Variants in CCDC9 observed in about 807,000 individuals in gnomAD.
CCDC9 encodes the protein coiled-coil domain-containing protein 9.
Under a neutral mutation model 65.6 loss-of-function variants are expected in CCDC9, and 52 were observed. That is an observed-to-expected ratio of 0.79 (90% CI 0.63 to 1.00). The LOEUF is 1.00. CCDC9 is among the 50% of genes least tolerant of loss of function. The pLI is 0.00. For missense variants in CCDC9, 834 were observed against 757.2 expected (o/e 1.10, Z -1.19); for synonymous variants, 332 against 280.3 (o/e 1.18, Z -1.84).
At chr19:47,266,549 G>T in intron 7 of CCDC9, 62 bp from the exon 8 acceptor site, 1 of 1,446,132 alleles carries the variant, frequency 6.9e-7, no homozygotes, top group Non-Finnish European at 9.1e-7. Context: ...GATGTGCCTC[G>T]GGGCTTAGGG....
chr19:47,270,273 C>T (rs927144726), intron 8 of CCDC9, 134 bp from the exon 9 acceptor site: 9 of 831,520 alleles, frequency 1.1e-5, no homozygotes, highest in African/African-American at 6.7e-5. Flanking sequence ...CCGGCCCTGT[C>T]CTACTTCTAG....
intron 8 of CCDC9, among the ~76,000 whole-genome samples, chr19:47,268,761 C>G (rs2059097933): frequency 6.6e-6 from 1 of 151,524 alleles, no homozygotes; most frequent in South Asian, 2.1e-4. Context: ...ACTAAAAATA[C>G]AAAAAATTAG....
downstream of CCDC9, chr19:47,274,902 G>A (rs2059146851): frequency 2.3e-6 from 3 of 1,282,296 alleles, no homozygotes; most frequent in Non-Finnish European, 2.9e-6. Context: ...GCGGCGCGGA[G>A]CCGAGTGGGC....
intron 8 of CCDC9, 100 bp downstream of exon 8, chr19:47,266,892 T>A: frequency 7.3e-7 from 1 of 1,367,054 alleles, no homozygotes; most frequent in Non-Finnish European, 9.9e-7. Context: ...TGTGTATGAG[T>A]GAGTGACTGC....
chr19:47,271,858 C>T lies in CCDC9; in HGVS notation c.*180C>T, dbSNP rs114651892. 2.9e-6 allele frequency: 4 copies of T among 1,385,398 alleles called. No individual in the cohort carries two copies. The Middle Eastern group carries it at 8.0e-4, about 278-fold the overall frequency. 85.8% of individuals were successfully genotyped at this position (1,385,398 alleles called of 1,614,324 possible). On this transcript the variant is annotated 3_prime_UTR_variant, in exon 12 of 12. Coordinates refer to ENST00000221922, the MANE Select transcript of CCDC9 (RefSeq NM_015603.3). ...CTGAGGGGGTAGCGCAGCCCATGCT[C>T]TTCTGTACTGTCATGCCCGTCTCTG...
chr19:47,258,015 G>GGTC, intron 1 of CCDC9: 2 of 287,230 alleles, frequency 7.0e-6, no homozygotes, highest in Admixed American at 4.9e-5. Context: ...TGTGGCGGCT[G>GGTC]GCCTAGAATC....
chr19:47,264,761 T>C lies in CCDC9; in HGVS notation c.547-12T>C, dbSNP rs756507747. ...GGGAGCCCGCGCCAACCCCCTGCTC[T>C]GCTGCCTGCAGGAAGGGGTTCTTGA... On this transcript the variant is annotated splice_polypyrimidine_tract_variant and intron_variant, in intron 6 of 11. Coordinates refer to ENST00000221922, the MANE Select transcript of CCDC9 (RefSeq NM_015603.3). 57 of 1,605,936 alleles carry C rather than the reference T, an allele frequency of 3.5e-5. No homozygotes were observed. Among genetic ancestry groups the C allele is most frequent in the Non-Finnish European group, 4.8e-5 (56 of 1,176,076 alleles).
rs750676618 is a variant in CCDC9, at chr19:47,271,479, C to T, written c.1397C>T (p.Ala466Val). The change falls in exon 12 of 12, where the codon GCC (alanine) becomes GTC (valine). Residue 466 changes from alanine to valine, a missense_variant. Transcript: ENST00000221922. ...APTGIPCSEQ[A>V]HGVPFSPEEP... ...ACCGGGATCCCCTGCAGTGAGCAGG[C>T]CCACGGAGTCCCCTTCAGTCCGGAG... The T allele has an allele frequency of 5.0e-6, 8 of 1,613,256 alleles. No individual in the cohort carries two copies. Among genetic ancestry groups the T allele is most frequent in the Non-Finnish European group, 6.8e-6 (8 of 1,179,806 alleles).
chr19:47,272,584 T>G (rs1197069240), downstream of CCDC9, among the ~76,000 whole-genome samples: 1 of 152,124 alleles, frequency 6.6e-6, no homozygotes, highest in Non-Finnish European at 1.5e-5. Context: ...ATCGCTCCAC[T>G]GTACTCCCAC....
At chr19:47,266,445 A>G (rs2059082788) in intron 7 of CCDC9, 166 bp from the exon 8 acceptor site, 2 of 1,031,846 alleles carry the variant, frequency 1.9e-6, no homozygotes, top group Admixed American at 6.6e-5. Flanking sequence ...TACTTAGGAG[A>G]TCTGAGAGGG....
intron 7 of CCDC9, 66 bp downstream of exon 7, chr19:47,265,012 C>T (rs954958419): frequency 7.2e-5 from 96 of 1,333,626 alleles, no homozygotes; most frequent in Non-Finnish European, 8.8e-5. Context: ...ATAGCAGGAA[C>T]CAGACAGATC....
At chr19:47,269,279 G>A (rs1358126477) in intron 8 of CCDC9, among the ~76,000 whole-genome samples, 3 of 152,180 alleles carry the variant, frequency 2.0e-5, no homozygotes, top group Non-Finnish European at 4.4e-5. Context: ...GGCCCAGAAG[G>A]ATAATGATGC....
At chr19:47,263,762 C>T (rs1244929622) in intron 5 of CCDC9, among the ~76,000 whole-genome samples, 1 of 151,856 alleles carries the variant, frequency 6.6e-6, no homozygotes, top group Non-Finnish European at 1.5e-5. Flanking sequence ...GACGGGGTTT[C>T]ACCATGTTGG....
intron 5 of CCDC9, 72 bp from the exon 6 acceptor site, chr19:47,264,531 G>A (rs1426184182): frequency 7.0e-7 from 1 of 1,428,674 alleles, no homozygotes; most frequent in Non-Finnish European, 9.6e-7. Flanking sequence ...GGCCTGCTGG[G>A]CAGCCCGTCT....
chr19:47,270,094 G>T (rs187096996), intron 8 of CCDC9, among the ~76,000 whole-genome samples: 1 of 151,752 alleles, frequency 6.6e-6, no homozygotes, highest in African/African-American at 2.4e-5. Flanking sequence ...TCAGCCTCCC[G>T]AGTAGCTGAG....
intron 5 of CCDC9, among the ~76,000 whole-genome samples, chr19:47,264,396 C>T (rs984543026): frequency 3.9e-5 from 6 of 152,214 alleles, no homozygotes; most frequent in Admixed American, 1.3e-4. Context: ...GCGAATGCAG[C>T]GTACAGCGTG....
In CCDC9 at chr19:47,260,790, C is replaced by T. The variant is rs1414995983; in HGVS notation, c.413C>T (p.Pro138Leu). The T allele has an allele frequency of 8.7e-6, 14 of 1,613,298 alleles. No individual in the cohort carries two copies. Among genetic ancestry groups the T allele is most frequent in the African/African-American group, 1.3e-5 (1 of 74,906 alleles). Residue 138 changes from proline to leucine, a missense_variant, in exon 5 of 12, where the codon CCT becomes CTT. Physicochemically the swap from Pro to Leu is moderately conservative, Grantham distance 98. Transcript: ENST00000221922. Reference sequence around the variant, plus strand: ...CGGAGGGGCCGGGGCCGAGGTTCACCTCACCTCTCTGGAGCTGGAGACACC... The same window carrying T: ...CGGAGGGGCCGGGGCCGAGGTTCACTTCACCTCTCTGGAGCTGGAGACACC... The part of the protein sequence containing the change: ...RGRRGRGRGS[P>L]HLSGAGDTSI...
chr19:47,274,347 C>A (rs1389500837), downstream of CCDC9: 4 of 123,572 alleles, frequency 3.2e-5, no homozygotes, highest in African/African-American at 6.3e-5. Flanking sequence ...GGGCTCTGGC[C>A]ATGGGCATGG....
Position 47,271,602 on chromosome 19 carries a change from A to G in CCDC9, c.1520A>G (p.Glu507Gly), listed in dbSNP as rs1246150973. The change falls in exon 12 of 12, where the codon GAG (glutamate) becomes GGG (glycine). Residue 507 changes from glutamate (E) to glycine (G), a missense_variant. Coordinates refer to ENST00000221922, the MANE Select transcript of CCDC9 (RefSeq NM_015603.3). The part of the protein sequence containing the change: ...QPVSDWGEEV[E>G]LNSPRTTHLA... The stretch of plus-strand genomic sequence containing the variant: ...GTGTCCGATTGGGGTGAAGAGGTGG[A>G]GCTGAATTCTCCCCGGACCACTCAC... 6.2e-7 allele frequency: 1 copy of G among 1,612,044 alleles called. No individual in the cohort carries two copies. The highest frequency in any genetic ancestry group is 8.5e-7 in the Non-Finnish European group (1 of 1,179,500).
Sources: gnomAD v4.1 joint callset for allele counts (sites outside exome capture counted in the v4.1 genomes callset) on GRCh38, gnomAD v4.1.1 for gene constraint, MANE v1.5 for transcripts, NCBI Gene and HGNC (gene_info 2026-07-23, HGNC 2026-07-21) for gene names.